Variants in NALCN observed in about 807,000 individuals in gnomAD.
NALCN encodes sodium leak channel NALCN.
NALCN carries 111 observed loss-of-function variants against 225.3 expected under a neutral mutation model. The ratio of observed to expected loss-of-function variants is 0.49; its 90% CI spans 0.42 to 0.58. The LOEUF (loss-of-function observed/expected upper bound fraction) is 0.58. NALCN is among the 20% of genes least tolerant of loss of function. The pLI, the probability that NALCN is intolerant of heterozygous loss-of-function variation, is 0.00. For missense variants in NALCN, 1,378 were observed against 2,202.4 expected (o/e 0.63, Z 7.49); for synonymous variants, 764 against 769.0 (o/e 0.99, Z 0.11).
At chr13:101,395,418 T>G in intron 2 of NALCN, 53 bp from the exon 3 acceptor site, 1 of 1,554,142 alleles carries the variant, frequency 6.4e-7, no homozygotes. Context: ...TATCTCAAAC[T>G]TGTATTATGA....
intron 15 of NALCN, among the ~76,000 whole-genome samples, chr13:101,164,001 G>GTGTGTC (rs879393051): frequency 6.6e-6 from 1 of 152,096 alleles, no homozygotes; most frequent in Non-Finnish European, 1.5e-5. Flanking sequence ...TGCTCTCTCT[G>GTGTGTC]TGTGTCTGTG....
chr13:101,159,354 G>A (rs1366584777), intron 15 of NALCN, among the ~76,000 whole-genome samples: 1 of 152,178 alleles, frequency 6.6e-6, no homozygotes, highest in Non-Finnish European at 1.5e-5. Context: ...TAGTGCCAGA[G>A]CTTGCAGCAC....
chr13:101,299,847 T>C (rs2043887417), intron 7 of NALCN, among the ~76,000 whole-genome samples: 2 of 152,144 alleles, frequency 1.3e-5, no homozygotes, highest in African/African-American at 4.8e-5. Context: ...AAAAAAAATT[T>C]TAGCCAAAGG....
rs564710058 is a variant in NALCN at position 101,149,013 on chromosome 13, G to T, written c.1840-4117C>A. 1.2e-4 allele frequency among the ~76,000 whole-genome samples: 19 copies of T among 152,286 alleles called. 1 individual carries two copies. The highest frequency in any genetic ancestry group is 2.0e-4 in the Admixed American group (3 of 15,304). ...AAGTACAGATATAAAAATTTTGTAGGCTGGGCGCAGTGGCTCACGCCTGTA... is the reference window on the plus strand; with the variant it reads ...AAGTACAGATATAAAAATTTTGTAGTCTGGGCGCAGTGGCTCACGCCTGTA... On this transcript the variant is annotated intron_variant, in intron 15 of 43. Coordinates refer to ENST00000251127, the MANE Select transcript of NALCN (RefSeq NM_052867.4).
At chr13:101,065,609 T>C in intron 39 of NALCN, 48 bp from the exon 40 acceptor site, 2 of 1,574,302 alleles carry the variant, frequency 1.3e-6, no homozygotes, top group Non-Finnish European at 1.7e-6. Context: ...CCTCGATGAT[T>C]CACTTGGGTT....
chr13:101,179,736 C>T (rs1442717462), intron 14 of NALCN, among the ~76,000 whole-genome samples: 3 of 152,080 alleles, frequency 2.0e-5, no homozygotes, highest in Non-Finnish European at 2.9e-5. Flanking sequence ...CCTCCATATG[C>T]GCTTCCTAGA....
chr13:101,377,360 C>A (rs900323869), intron 4 of NALCN, among the ~76,000 whole-genome samples: 7 of 152,202 alleles, frequency 4.6e-5, no homozygotes, highest in South Asian at 2.1e-4. Flanking sequence ...TGCTGTCTTT[C>A]TTGTTAATAA....
chr13:101,109,000 T>C (rs2035288172), intron 20 of NALCN, among the ~76,000 whole-genome samples: 1 of 152,222 alleles, frequency 6.6e-6, no homozygotes, highest in Admixed American at 6.6e-5. Context: ...GTAGGAAGTC[T>C]CTGAAGAAGT....
chr13:101,356,162 A>C (rs1299460900), intron 6 of NALCN, among the ~76,000 whole-genome samples: 2 of 152,198 alleles, frequency 1.3e-5, no homozygotes, highest in African/African-American at 4.8e-5. Flanking sequence ...AAAAAAATCT[A>C]AAAGCTAGCA....
At chr13:101,124,851 C>T (rs2139701208) in intron 17 of NALCN, among the ~76,000 whole-genome samples, 170 bp from the exon 18 acceptor site, 1 of 152,244 alleles carries the variant, frequency 6.6e-6, no homozygotes, top group South Asian at 2.1e-4. Context: ...TGGGCAGCAC[C>T]ATGAACAAAC....
chr13:101,387,737 TGA>T (rs759340113), intron 3 of NALCN, among the ~76,000 whole-genome samples: 3 of 152,160 alleles, frequency 2.0e-5, no homozygotes, highest in Non-Finnish European at 4.4e-5. Context: ...AACTCAAACT[TGA>T]GTAATATGAG....
intron 15 of NALCN, among the ~76,000 whole-genome samples, chr13:101,161,549 CAGTGGCTCAGGTT>C (rs1209038046): frequency 1.3e-5 from 2 of 152,184 alleles, no homozygotes; most frequent in African/African-American, 2.4e-5. Flanking sequence ...TATAAGCTTT[CAGTGGCTCAGGTT>C]AAAGGTAAAC....
chr13:101,337,416 C>A (rs1381338755), intron 7 of NALCN, among the ~76,000 whole-genome samples: 1 of 152,046 alleles, frequency 6.6e-6, no homozygotes, highest in African/African-American at 2.4e-5. Flanking sequence ...TCAAGCGATT[C>A]TCCTGCCTCA....
intron 7 of NALCN, among the ~76,000 whole-genome samples, chr13:101,312,089 G>A (rs1380904453): frequency 1.3e-5 from 2 of 152,176 alleles, no homozygotes; most frequent in Non-Finnish European, 2.9e-5. Context: ...TTAGTCTTGG[G>A]AGGGTGTACG....
At chr13:101,101,630 A>T (rs1461860484) in intron 26 of NALCN, among the ~76,000 whole-genome samples, 1 of 152,186 alleles carries the variant, frequency 6.6e-6, no homozygotes, top group Non-Finnish European at 1.5e-5. Flanking sequence ...ACAGTGGCTT[A>T]GCTGTCTTGT....
At chr13:101,405,072 A>G (rs939388659) in intron 1 of NALCN, among the ~76,000 whole-genome samples, 7 of 152,216 alleles carry the variant, frequency 4.6e-5, no homozygotes, top group African/African-American at 9.6e-5. Flanking sequence ...TTTAGTTCCA[A>G]TAGCCACAGA....
chr13:101,148,324 T>A lies in NALCN; in HGVS notation c.1840-3428A>T, dbSNP rs188398778. 1.4e-3 allele frequency among the ~76,000 whole-genome samples: 219 copies of A among 152,310 alleles called. 1 individual carries two copies. The highest frequency in any genetic ancestry group is 5.1e-3 in the African/African-American group (213 of 41,576). On this transcript the variant is annotated intron_variant, in intron 15 of 43. Coordinates refer to ENST00000251127, the MANE Select transcript of NALCN (RefSeq NM_052867.4). ...GCCATGCTCGGAGTTCCCTGGCTTG[T>A]AGCTGTAACACCCCATCCCTGCTTC...
chr13:101,273,606 T>C (rs1333468418), intron 10 of NALCN, among the ~76,000 whole-genome samples: 1 of 152,104 alleles, frequency 6.6e-6, no homozygotes, highest in Admixed American at 6.6e-5. Context: ...ACACTCAGAA[T>C]TCCTGAACAT....
chr13:101,107,261 G>A (rs2035172109), intron 22 of NALCN, among the ~76,000 whole-genome samples: 1 of 152,196 alleles, frequency 6.6e-6, no homozygotes, highest in Admixed American at 6.5e-5. Context: ...AACGAAAATG[G>A]CTGTTTTGTG....
Sources: gnomAD v4.1 joint callset for allele counts (sites outside exome capture counted in the v4.1 genomes callset) on GRCh38, gnomAD v4.1.1 for gene constraint, MANE v1.5 for transcripts, NCBI Gene and HGNC (gene_info 2026-07-23, HGNC 2026-07-21) for gene names.